The following SYNJ1 variants were observed in gnomAD, a reference collection of about 807,000 sequenced individuals.
SYNJ1 encodes polyphosphatidylinositol phosphatase SYNJ1.
A neutral mutation model predicts 168.2 loss-of-function variants in SYNJ1; 78 were observed. The observed-to-expected ratio is 0.46, with a 90% CI of 0.39 to 0.56. The LOEUF (loss-of-function observed/expected upper bound fraction) is 0.56, where lower values mean the gene tolerates loss of function less well. Among genes scored for constraint, SYNJ1 ranks in the 20% least tolerant of loss-of-function variants. The probability of loss-of-function intolerance (pLI) is 0.00; values close to 1 mark genes in which losing one functional copy is unlikely to be tolerated. For synonymous variants in SYNJ1, 539 were observed against 548.6 expected, an observed-to-expected ratio of 0.98 and a Z score of 0.24; for missense variants, 1,303 against 1,597.6, an observed-to-expected ratio of 0.82 and a Z score of 3.14.
chr21:32,684,172 A>C (rs752840648), intron 9 of SYNJ1, 53 bp from the exon 10 acceptor site: 2 of 1,533,306 alleles, frequency 1.3e-6, no homozygotes, highest in Admixed American at 1.7e-5. Context: ...AAGCTAAAAC[A>C]AACAGTGAAT....
rs774737539 is a variant in SYNJ1, at chr21:32,631,321, C to T, written c.*484G>A. 4.3e-6 allele frequency: 7 copies of T among 1,614,052 alleles called. No homozygotes were observed. Among genetic ancestry groups the T allele is most frequent in the Non-Finnish European group, 5.9e-6 (7 of 1,180,050 alleles). On this transcript the variant is annotated 3_prime_UTR_variant, in exon 33 of 33. Transcript: ENST00000674351. The stretch of plus-strand genomic sequence containing the variant: ...TTTAATGTAGACTGGCCCTGTAGAT[C>T]AAAACTGTCCTTAAAGCCATCAAGT...
chr21:32,715,610 T>C (rs527237180), intron 2 of SYNJ1, among the ~76,000 whole-genome samples: 1 of 152,292 alleles, frequency 6.6e-6, no homozygotes, highest in African/African-American at 2.4e-5. Flanking sequence ...GGTCCACTAG[T>C]GAACAGAATG....
intron 1 of SYNJ1, chr21:32,727,701 C>A (rs2043532483): frequency 2.6e-6 from 2 of 778,600 alleles, no homozygotes; most frequent in Admixed American, 3.5e-5. Flanking sequence ...CAGGCGGATT[C>A]GGTTCGTTCC....
Position 32,631,767 on chromosome 21 carries a change from T to G in SYNJ1, c.*38A>C. On this transcript the variant is annotated 3_prime_UTR_variant, in exon 33 of 33. Transcript: ENST00000674351. ...AAATGGGTCAATCTTTAATGGTGAT[T>G]CTCTTTTGCCATCAGAGATTCCATT... is the stretch of plus-strand genomic sequence containing the variant. The G allele has an allele frequency of 1.2e-6, 2 of 1,613,094 alleles. No homozygotes were observed. Among genetic ancestry groups the G allele is most frequent in the Non-Finnish European group, 1.7e-6 (2 of 1,179,454 alleles).
At position 32,727,888 on chromosome 21, in the gene SYNJ1, G is replaced by A. The variant is rs551804688; in HGVS notation, c.-23+58C>T. The A allele has an allele frequency of 2.0e-4, 304 of 1,526,772 alleles. 2 individuals carry two copies. In the African/African-American group the frequency reaches 3.9e-3, roughly 19 times the overall value. 94.6% of individuals were successfully genotyped at this position (1,526,772 alleles called of 1,614,324 possible). ...AGACTGGTCTTGGAGGCGTCCGCCC[G>A]CCCGGCTGCCCGTGGGTCTGGCCGC... is the stretch of plus-strand genomic sequence containing the variant. On this transcript the variant is annotated intron_variant, in intron 1 of 32. Coordinates refer to ENST00000674351, the MANE Select transcript of SYNJ1 (RefSeq NM_203446.3).
intron 2 of SYNJ1, among the ~76,000 whole-genome samples, chr21:32,720,116 G>A (rs975628743): frequency 4.6e-5 from 7 of 152,080 alleles, no homozygotes; most frequent in Admixed American, 1.3e-4. Flanking sequence ...CCACATGCCT[G>A]TAATCCCAGC....
intron 10 of SYNJ1, 42 bp from the exon 11 acceptor site, chr21:32,681,690 A>T: frequency 6.5e-7 from 1 of 1,543,350 alleles, no homozygotes; most frequent in Non-Finnish European, 8.7e-7. Flanking sequence ...ACATTAATAT[A>T]TTAATTGTAA....
intron 26 of SYNJ1, 89 bp downstream of exon 26, chr21:32,644,879 G>C (rs2039994861): frequency 7.2e-7 from 1 of 1,386,642 alleles, no homozygotes; most frequent in Non-Finnish European, 1.0e-6. Flanking sequence ...CATTCATTTT[G>C]ACTTTTATCA....
chr21:32,651,422 G>GT (rs1318416500), intron 22 of SYNJ1, among the ~76,000 whole-genome samples: 1 of 152,190 alleles, frequency 6.6e-6, no homozygotes, highest in Non-Finnish European at 1.5e-5. Flanking sequence ...GCACAGCTGT[G>GT]TTTATTAGTA....
chr21:32,693,185 A>G (rs562597713), intron 6 of SYNJ1, among the ~76,000 whole-genome samples: 1 of 152,332 alleles, frequency 6.6e-6, no homozygotes, highest in African/African-American at 2.4e-5. Context: ...GCATCACATC[A>G]GGGTTTCAGC....
intron 14 of SYNJ1, among the ~76,000 whole-genome samples, chr21:32,672,059 C>CAAAAAAAAAAAAAAAAAAAAAAAA (rs1160074724): frequency 4.9e-4 from 12 of 24,662 alleles, no homozygotes; most frequent in Non-Finnish European, 5.8e-4. Context: ...AACTCAATCT[C>CAAAAAAAAAAAAAAAAAAAAAAAA]AAAAAAAAAA....
chr21:32,720,473 A>G (rs2043180591), intron 2 of SYNJ1, among the ~76,000 whole-genome samples: 1 of 152,216 alleles, frequency 6.6e-6, no homozygotes, highest in African/African-American at 2.4e-5. Context: ...ATTATGACTT[A>G]TATTGAGTAT....
chr21:32,646,612 A>G lies in SYNJ1; in HGVS notation c.3038-10T>C, dbSNP rs754047394. 1 of 1,609,546 alleles carries G rather than the reference A, an allele frequency of 6.2e-7. No homozygotes were observed. Among genetic ancestry groups the G allele is most frequent in the South Asian group, 1.1e-5 (1 of 90,868 alleles). ...TAGTCATCAACATCACCTAAGGAAA[A>G]GCAGGCTTGATCAGAGATAACTCCA... On this transcript the variant is annotated splice_polypyrimidine_tract_variant and intron_variant, in intron 23 of 32. Transcript: ENST00000674351.
intron 29 of SYNJ1, 91 bp downstream of exon 29, chr21:32,641,805 G>A: frequency 1.1e-6 from 1 of 891,486 alleles, no homozygotes; most frequent in African/African-American, 1.7e-5. Context: ...GCCTTGAAGG[G>A]TCACATGATT....
At chr21:32,693,999 A>G (rs2042117040) in intron 6 of SYNJ1, among the ~76,000 whole-genome samples, 1 of 152,232 alleles carries the variant, frequency 6.6e-6, no homozygotes, top group Admixed American at 6.5e-5. Flanking sequence ...TTTTAACACT[A>G]AATACAGCAG....
Position 32,631,762 on chromosome 21 carries a change from G to A in SYNJ1, c.*43C>T. 6.2e-7 allele frequency: 1 copy of A among 1,613,364 alleles called. No individual in the cohort carries two copies. The highest frequency in any genetic ancestry group is 8.5e-7 in the Non-Finnish European group (1 of 1,179,682). On this transcript the variant is annotated 3_prime_UTR_variant, in exon 33 of 33. Transcript: ENST00000674351. ...TCTTCAAATGGGTCAATCTTTAATG[G>A]TGATTCTCTTTTGCCATCAGAGATT...
chr21:32,656,414 A>G (rs558978243), intron 21 of SYNJ1, among the ~76,000 whole-genome samples: 1 of 152,266 alleles, frequency 6.6e-6, no homozygotes, highest in South Asian at 2.1e-4. Flanking sequence ...ACTGCATTCC[A>G]GCCTGGGTGA....
intron 9 of SYNJ1, among the ~76,000 whole-genome samples, chr21:32,684,827 CA>C (rs1181315931): frequency 6.6e-6 from 1 of 152,124 alleles, no homozygotes; most frequent in Non-Finnish European, 1.5e-5. Flanking sequence ...AGACTTGCAG[CA>C]GATGGAAATG....
chr21:32,668,009 ATGTGTGTGTGTGTGTGTGTGTG>A (rs3056370), intron 15 of SYNJ1, among the ~76,000 whole-genome samples: 131 of 144,004 alleles, frequency 9.1e-4, no homozygotes, highest in African/African-American at 3.3e-3. Flanking sequence ...AAGAATATAT[ATGTGTGTGTGTGTGTGTGTGTG>A]TGTGTGTGTG....
Sources: allele counts gnomAD v4.1 joint callset (sites outside exome capture counted in the v4.1 genomes callset), GRCh38; gene constraint gnomAD v4.1.1; transcripts MANE v1.5; gene names NCBI Gene and HGNC (gene_info 2026-07-23, HGNC 2026-07-21).